The following LARP4 variants were observed in gnomAD, a reference collection of about 807,000 sequenced individuals.
LARP4 encodes the protein La ribonucleoprotein 4, also known as la-related protein 4.
In LARP4, 29 loss-of-function variants were observed where a neutral mutation model predicts 92.9. That is an observed-to-expected ratio of 0.31 (90% CI 0.23 to 0.43). The LOEUF (loss-of-function observed/expected upper bound fraction) is 0.43, where lower values mean the gene tolerates loss of function less well. Ranked by LOEUF, LARP4 falls within the 20% of genes least tolerant of loss-of-function variation. The pLI, the probability that LARP4 is intolerant of heterozygous loss-of-function variation, is 1.00. For synonymous variants in LARP4, 279 were observed against 284.1 expected, an observed-to-expected ratio of 0.98 and a Z score of 0.18; for missense variants, 732 against 860.0, an observed-to-expected ratio of 0.85 and a Z score of 1.86.
chr12:50,422,970 A>G (rs1445222666), intron 1 of LARP4, among the ~76,000 whole-genome samples: 3 of 151,828 alleles, frequency 2.0e-5, no homozygotes, highest in Non-Finnish European at 4.4e-5. Context: ...GATGCCTGCC[A>G]CCATGCTTGG....
chr12:50,438,563 T>G (rs1950765842), intron 6 of LARP4, among the ~76,000 whole-genome samples: 1 of 152,048 alleles, frequency 6.6e-6, no homozygotes, highest in South Asian at 2.1e-4. Context: ...AAAGCAAAGT[T>G]GCAGTCATAA....
At chr12:50,457,812 C>CAA (rs10639447) in intron 10 of LARP4, among the ~76,000 whole-genome samples, 16,858 of 144,914 alleles carry the variant, frequency 0.12, 1,988 homozygotes, top group East Asian at 0.53. Flanking sequence ...AGACCTTTCT[C>CAA]AAAAAAAAAA....
At chr12:50,457,323 T>C (rs960914708) in intron 10 of LARP4, among the ~76,000 whole-genome samples, 6 of 151,220 alleles carry the variant, frequency 4.0e-5, no homozygotes, top group African/African-American at 1.5e-4. Flanking sequence ...ACTCCTGCCT[T>C]AGCCTTCCAA....
intron 8 of LARP4, among the ~76,000 whole-genome samples, chr12:50,447,274 A>G (rs11169427): frequency 0.7 from 106,292 of 152,142 alleles, 43,927 homozygotes; most frequent in Non-Finnish European, 0.93. Flanking sequence ...GGTACCAAGC[A>G]TTTTGGGTAA....
At chr12:50,431,070 C>T (rs1949582066) in intron 4 of LARP4, among the ~76,000 whole-genome samples, 1 of 151,850 alleles carries the variant, frequency 6.6e-6, no homozygotes, top group South Asian at 2.1e-4. Flanking sequence ...GAGTTCGAGA[C>T]CTGCCTGACC....
At chr12:50,429,969 A>C (rs776289794) in intron 3 of LARP4, among the ~76,000 whole-genome samples, 3 of 152,136 alleles carry the variant, frequency 2.0e-5, no homozygotes, top group Non-Finnish European at 2.9e-5. Context: ...GTGCATTGTT[A>C]ATTTTTTGAT....
chr12:50,435,692 C>T lies in LARP4; in HGVS notation c.535+68C>T, dbSNP rs1011884749. 1.0e-5 allele frequency: 12 copies of T among 1,175,284 alleles called. No individual in the cohort carries two copies. The African/African-American group carries it at 1.7e-4, about 17-fold the overall frequency. 72.8% of individuals were successfully genotyped at this position (1,175,284 alleles called of 1,614,324 possible). On this transcript the variant is annotated intron_variant, in intron 5 of 15. Coordinates refer to ENST00000398473, the MANE Select transcript of LARP4 (RefSeq NM_052879.5). ...GTAAAATGTTATTTCGACTTCTGAT[C>T]ATATAGGGAATTATTTTTACTGCCC...
intron 8 of LARP4, among the ~76,000 whole-genome samples, chr12:50,450,087 C>T (rs1952908450): frequency 6.6e-6 from 1 of 151,946 alleles, no homozygotes; most frequent in Admixed American, 6.6e-5. Context: ...GTGTGCACCA[C>T]CACGCCCAGC....
intron 13 of LARP4, among the ~76,000 whole-genome samples, chr12:50,472,268 G>A (rs956651480): frequency 6.6e-6 from 1 of 152,116 alleles, no homozygotes; most frequent in African/African-American, 2.4e-5. Flanking sequence ...GTGCACCTAA[G>A]CTCCAGAACT....
rs369863425 is a variant in LARP4, at chr12:50,454,362, T to G, written c.1066T>G (p.Ser356Ala). 5.0e-6 allele frequency: 8 copies of G among 1,613,592 alleles called. No homozygotes were observed. The highest frequency in any genetic ancestry group is 6.8e-6 in the Non-Finnish European group (8 of 1,179,914). The change falls in exon 10 of 16, where the codon TCT becomes GCT. Residue 356 changes from serine to alanine, a missense_variant. By Grantham distance (99) the Ser-to-Ala change is moderately conservative. Transcript: ENST00000398473. ...SFVNGFNSPG[S>A]YKTNAAAMNM... ...TGTGAATGGCTTTAATTCGCCAGGA[T>G]CTTATAAAACAAATGCTGCTGCTAT... is the stretch of plus-strand genomic sequence containing the variant.
Position 50,461,363 on chromosome 12 carries a change from A to G in LARP4, c.1334+16A>G, listed in dbSNP as rs1955347906. 1 of 1,602,020 alleles carries G rather than the reference A, an allele frequency of 6.2e-7. No homozygotes were observed. Among genetic ancestry groups the G allele is most frequent in the Middle Eastern group, 1.8e-4 (1 of 5,710 alleles). On this transcript the variant is annotated intron_variant, in intron 11 of 15. Transcript: ENST00000398473. ...GTAGGGGCAGGTAAGAAAATAAAGT[A>G]CCTGAAAACCTTTGATAATAATGTG...
intron 8 of LARP4, among the ~76,000 whole-genome samples, chr12:50,446,803 CTA>C (rs1952276690): frequency 6.6e-6 from 1 of 151,932 alleles, no homozygotes; most frequent in African/African-American, 2.4e-5. Flanking sequence ...TTAAAGTGTA[CTA>C]TAATGTATGA....
At chr12:50,423,771 G>A (rs1445202763) in intron 1 of LARP4, among the ~76,000 whole-genome samples, 1 of 140,080 alleles carries the variant, frequency 7.1e-6, no homozygotes. Context: ...TTTTTTTTTA[G>A]ACGGAGTCTT....
chr12:50,416,657 C>G (rs1946840538), intron 1 of LARP4, among the ~76,000 whole-genome samples: 1 of 152,074 alleles, frequency 6.6e-6, no homozygotes, highest in Non-Finnish European at 1.5e-5. Context: ...GCGCTCCATC[C>G]TAGGCCGCAG....
rs1957512721 is a variant in LARP4, at chr12:50,476,088, A to G, written c.*224A>G. The G allele has an allele frequency of 8.6e-6, 2 of 233,392 alleles. No individual in the cohort carries two copies. Among genetic ancestry groups the G allele is most frequent in the Admixed American group, 5.2e-5 (1 of 19,064 alleles). The allele number at this position is 233,392 out of a possible 1,614,324, so 14.5% of individuals were successfully genotyped here. A position where few individuals can be genotyped will look rare whatever the true frequency, so the allele number is the denominator to read the frequency against. The stretch of plus-strand genomic sequence containing the variant: ...CCAATCAATATAAATATATATATAT[A>G]TATACACACACATATATAAAAAGTA... On this transcript the variant is annotated 3_prime_UTR_variant, in exon 16 of 16. Coordinates refer to ENST00000398473, the MANE Select transcript of LARP4 (RefSeq NM_052879.5).
At position 50,441,468 on chromosome 12, in the gene LARP4, A is replaced by G. The variant is rs1951193661; in HGVS notation, c.751-122A>G. 6 of 625,516 alleles carry G rather than the reference A, an allele frequency of 9.6e-6. No homozygotes were observed. In the East Asian group the frequency reaches 1.5e-4, roughly 15 times the overall value. The allele number at this position is 625,516 out of a possible 1,614,324, so 38.7% of individuals were successfully genotyped here. ...ACTTTTTCATTCCCTGTCCACCTGC[A>G]CAGTGGAATCACCTACATAATTTTG... is the stretch of plus-strand genomic sequence containing the variant. On this transcript the variant is annotated intron_variant, in intron 7 of 15. Transcript: ENST00000398473.
intron 10 of LARP4, among the ~76,000 whole-genome samples, chr12:50,455,338 G>T (rs1038815909): frequency 6.6e-6 from 1 of 152,114 alleles, no homozygotes; most frequent in Non-Finnish European, 1.5e-5. Flanking sequence ...AAATTGCTAG[G>T]ATTACAGGCG....
At chr12:50,434,113 T>C (rs1593049065) in intron 4 of LARP4, among the ~76,000 whole-genome samples, 1 of 152,192 alleles carries the variant, frequency 6.6e-6, no homozygotes, top group East Asian at 1.9e-4. Flanking sequence ...AGATAAGTGC[T>C]ATGGGAAAAA....
chr12:50,432,586 G>A (rs762331633), intron 4 of LARP4, among the ~76,000 whole-genome samples: 10 of 151,996 alleles, frequency 6.6e-5, no homozygotes, highest in East Asian at 3.9e-4. Context: ...TTGGCCTGGC[G>A]CAGTGGCTCA....
Sources: gnomAD v4.1 joint callset for allele counts (sites outside exome capture counted in the v4.1 genomes callset) on GRCh38, gnomAD v4.1.1 for gene constraint, MANE v1.5 for transcripts, NCBI Gene and HGNC (gene_info 2026-07-23, HGNC 2026-07-21) for gene names.